Variants in PPP2R2B observed in about 807,000 individuals in gnomAD.
The protein encoded by PPP2R2B is protein phosphatase 2 regulatory subunit Bbeta, also known as serine/threonine-protein phosphatase 2A 55 kDa regulatory subunit B beta isoform.
PPP2R2B carries 5 observed loss-of-function variants against 46.0 expected under a neutral mutation model. The ratio of observed to expected loss-of-function variants is 0.11; its 90% confidence interval spans 0.06 to 0.23. PPP2R2B has a LOEUF of 0.23. PPP2R2B is among the 10% of genes least tolerant of loss of function. PPP2R2B has a pLI of 1.00. For synonymous variants in PPP2R2B, 215 were observed against 206.7 expected (o/e 1.04, Z -0.34); for missense variants, 367 against 575.0 (o/e 0.64, Z 3.70).
intron 2 of PPP2R2B, among the ~76,000 whole-genome samples, chr5:147,069,012 A>G (rs979433316): frequency 6.6e-6 from 1 of 152,214 alleles, no homozygotes; most frequent in African/African-American, 2.4e-5. Flanking sequence ...AATATCACCC[A>G]CAGTAAAAAA....
At chr5:146,726,857 G>A (rs1001601139) in intron 2 of PPP2R2B, among the ~76,000 whole-genome samples, 1 of 152,146 alleles carries the variant, frequency 6.6e-6, no homozygotes. Flanking sequence ...GCCATATACA[G>A]TTCTGGATTT....
chr5:147,016,064 A>G lies in PPP2R2B; in HGVS notation c.79+39601T>C, dbSNP rs1437032433. Among the ~76,000 whole-genome samples, 2 of 151,634 alleles carry G rather than the reference A, an allele frequency of 1.3e-5. 1 individual carries two copies. Among genetic ancestry groups the G allele is most frequent in the East Asian group, 4.1e-4 (2 of 4,830 alleles). On this transcript the variant is annotated intron_variant, in intron 1 of 8. Coordinates refer to the PPP2R2B transcript ENST00000336640. ...ATCACTTTGTCCCCTAAGTTAAAAC[A>G]AAAATACTTGCTAAAAAGTTGGCCC...
rs535387797 is a variant in PPP2R2B at position 147,000,670 on chromosome 5, T to A, written c.79+54995A>T. 1.9e-3 allele frequency among the ~76,000 whole-genome samples: 161 copies of A among 83,764 alleles called. 3 individuals carry two copies. The East Asian group carries it at 0.052, about 27-fold the overall frequency. 55.0% of individuals were successfully genotyped at this position (83,764 alleles called of 152,430 possible). A position where few individuals can be genotyped will look rare whatever the true frequency, so the allele number is the denominator to read the frequency against. On this transcript the variant is annotated intron_variant, in intron 1 of 8. Transcript: ENST00000336640. ...AAAGTAATTGTGGATTTGCCATTTT[T>A]AATGGCAAAAACCACAATTACTTTT...
intron 2 of PPP2R2B, among the ~76,000 whole-genome samples, chr5:146,816,932 G>A (rs1412461592): frequency 6.6e-6 from 1 of 152,176 alleles, no homozygotes; most frequent in Non-Finnish European, 1.5e-5. Context: ...AAACTAGACA[G>A]ATTTCTATCA....
At chr5:146,800,872 C>T (rs1756820011) in intron 2 of PPP2R2B, among the ~76,000 whole-genome samples, 1 of 151,924 alleles carries the variant, frequency 6.6e-6, no homozygotes, top group Non-Finnish European at 1.5e-5. Context: ...ACCTAAATGT[C>T]TGTCAACAGA....
chr5:147,045,735 T>G (rs1288731596), intron 1 of PPP2R2B, among the ~76,000 whole-genome samples: 1 of 152,158 alleles, frequency 6.6e-6, no homozygotes. Context: ...TACAGAGACG[T>G]ACAGGGTCAC....
intron 2 of PPP2R2B, among the ~76,000 whole-genome samples, chr5:146,861,383 G>A (rs868844971): frequency 6.6e-6 from 1 of 151,926 alleles, no homozygotes; most frequent in African/African-American, 2.4e-5. Context: ...AGTAGAGGTG[G>A]GGTTTCACCG....
chr5:146,708,796 A>T (rs1459576558), intron 2 of PPP2R2B, among the ~76,000 whole-genome samples: 1 of 152,002 alleles, frequency 6.6e-6, no homozygotes, highest in African/African-American at 2.4e-5. Flanking sequence ...GATGGTATGG[A>T]GCTAAAAAAA....
chr5:146,975,183 C>T (rs1752844461), intron 1 of PPP2R2B, among the ~76,000 whole-genome samples: 1 of 152,178 alleles, frequency 6.6e-6, no homozygotes, highest in Non-Finnish European at 1.5e-5. Flanking sequence ...CCCCCAGCCC[C>T]TGGTGAGCAC....
chr5:146,622,333 C>G (rs1469722790), intron 7 of PPP2R2B, among the ~76,000 whole-genome samples: 1 of 152,150 alleles, frequency 6.6e-6, no homozygotes, highest in South Asian at 2.1e-4. Context: ...GCACAACAAT[C>G]CAGTAATGCA....
chr5:147,037,062 C>T (rs902383419), intron 1 of PPP2R2B, among the ~76,000 whole-genome samples: 27 of 152,034 alleles, frequency 1.8e-4, no homozygotes, highest in Admixed American at 1.2e-3. Context: ...ACTTTGCCCA[C>T]GTTAGCATAC....
chr5:146,906,255 A>G (rs1762992373), intron 1 of PPP2R2B, among the ~76,000 whole-genome samples: 1 of 152,084 alleles, frequency 6.6e-6, no homozygotes, highest in African/African-American at 2.4e-5. Context: ...ATATTAAGTT[A>G]AAGAAAATAT....
intron 2 of PPP2R2B, among the ~76,000 whole-genome samples, chr5:146,717,849 C>T (rs1035502446): frequency 1.3e-5 from 2 of 152,098 alleles, no homozygotes; most frequent in Non-Finnish European, 2.9e-5. Context: ...ACTAGTCCCC[C>T]GTCCTCCCTT....
intron 5 of PPP2R2B, among the ~76,000 whole-genome samples, chr5:146,663,865 T>C (rs900942860): frequency 6.6e-6 from 1 of 152,058 alleles, no homozygotes; most frequent in Non-Finnish European, 1.5e-5. Flanking sequence ...TTTTTTGAGA[T>C]GGAATCTTGC....
intron 2 of PPP2R2B, among the ~76,000 whole-genome samples, chr5:146,865,949 G>A (rs760211612): frequency 1.3e-5 from 2 of 152,176 alleles, no homozygotes; most frequent in Non-Finnish European, 2.9e-5. Context: ...TCACTTAGAC[G>A]ATTAATACTG....
upstream of PPP2R2B, among the ~76,000 whole-genome samples, chr5:146,880,773 TTTA>T (rs1257450910): frequency 1.3e-5 from 2 of 152,158 alleles, no homozygotes; most frequent in African/African-American, 4.8e-5. Flanking sequence ...TCTGGGTTTA[TTTA>T]TTTTTCTTTT....
At chr5:146,922,281 G>A (rs1763633580) in intron 1 of PPP2R2B, 1 of 152,112 alleles carries the variant, frequency 6.6e-6, no homozygotes, top group South Asian at 2.1e-4. Context: ...ATGATATCAA[G>A]GATTATTGTT....
chr5:147,063,123 G>A (rs1007689877), intron 2 of PPP2R2B, among the ~76,000 whole-genome samples: 1 of 151,798 alleles, frequency 6.6e-6, no homozygotes, highest in African/African-American at 2.4e-5. Flanking sequence ...ACTAAATTAA[G>A]TAATAAATAT....
chr5:147,051,950 G>A (rs922031371), intron 1 of PPP2R2B, among the ~76,000 whole-genome samples: 4 of 151,492 alleles, frequency 2.6e-5, no homozygotes, highest in African/African-American at 7.3e-5. Flanking sequence ...TTACAGCTAT[G>A]ATTGGAATTT....
Sources: gnomAD v4.1 joint callset for allele counts (sites outside exome capture counted in the v4.1 genomes callset) on GRCh38, gnomAD v4.1.1 for gene constraint, MANE v1.5 for transcripts, NCBI Gene and HGNC (gene_info 2026-07-23, HGNC 2026-07-21) for gene names.